PPP1R12A: variants seen among roughly 807,000 people sequenced by gnomAD.
The protein encoded by PPP1R12A is protein phosphatase 1 regulatory subunit 12A.
PPP1R12A carries 19 observed loss-of-function variants against 139.6 expected under a neutral mutation model. The ratio of observed to expected loss-of-function variants is 0.14; its 90% CI spans 0.09 to 0.20. PPP1R12A has a LOEUF of 0.20. PPP1R12A is among the 10% of genes least tolerant of loss of function. PPP1R12A has a pLI of 1.00. For synonymous variants in PPP1R12A, 427 were observed against 420.6 expected (o/e 1.02, Z -0.19); for missense variants, 925 against 1,211.5 (o/e 0.76, Z 3.51).
chr12:79,933,535 A>G (rs1888408783), intron 1 of PPP1R12A, among the ~76,000 whole-genome samples: 1 of 152,362 alleles, frequency 6.6e-6, no homozygotes, highest in African/African-American at 2.4e-5. Flanking sequence ...ATAGCTTACA[A>G]GTCTTTTCAT....
intron 1 of PPP1R12A, among the ~76,000 whole-genome samples, chr12:79,883,788 GA>G (rs1296420054): frequency 6.6e-6 from 1 of 152,160 alleles, no homozygotes; most frequent in Non-Finnish European, 1.5e-5. Flanking sequence ...ATTAAATTAT[GA>G]TCAGGATATT....
At chr12:79,806,129 A>C (rs776733800) in intron 13 of PPP1R12A, 37 bp downstream of exon 13, 22 of 1,596,558 alleles carry the variant, frequency 1.4e-5, no homozygotes, top group Non-Finnish European at 1.7e-5. Context: ...ACATAAGCAC[A>C]CAGTAGACCT....
upstream of PPP1R12A, chr12:79,935,274 C>T (rs1888583100): frequency 1.8e-6 from 2 of 1,088,160 alleles, no homozygotes; most frequent in Non-Finnish European, 2.2e-6. Context: ...AGGAAGAGCG[C>T]TCCCGCGAAC....
At position 79,916,340 on chromosome 12, in the gene PPP1R12A, A is replaced by G. The variant is rs536452180; in HGVS notation, c.237+18355T>C. Among the ~76,000 whole-genome samples the G allele has an allele frequency of 3.7e-4, 56 of 149,908 alleles. No individual in the cohort carries two copies. In the Middle Eastern group the frequency reaches 0.021, roughly 55 times the overall value. ...AATTCACGTAACTATGGGCTTCAAC[A>G]TTCCTAATTCTAAGAGACTTGGGGC... On this transcript the variant is annotated intron_variant, in intron 1 of 24. Transcript: ENST00000450142.
At chr12:79,804,209 C>G (rs1873545526) in intron 14 of PPP1R12A, among the ~76,000 whole-genome samples, 1 of 151,976 alleles carries the variant, frequency 6.6e-6, no homozygotes, top group Non-Finnish European at 1.5e-5. Flanking sequence ...AAGCAAAGCC[C>G]TCAAACTTAT....
At chr12:79,864,834 C>G (rs1017214392) in intron 2 of PPP1R12A, among the ~76,000 whole-genome samples, 16 of 152,050 alleles carry the variant, frequency 1.1e-4, no homozygotes, top group African/African-American at 3.9e-4. Flanking sequence ...TAATAGCCTA[C>G]CAACCAAAAA....
chr12:79,785,434 TTGTTGTTGTTTTTTTAG>T (rs1870990895), intron 22 of PPP1R12A, among the ~76,000 whole-genome samples: 1 of 152,118 alleles, frequency 6.6e-6, no homozygotes, highest in Admixed American at 6.5e-5. Context: ...GGTTTTTGTT[TTGTTGTTGTTTTTTTAG>T]AATTAATTTT....
At chr12:79,855,325 C>T (rs1000247945) in intron 2 of PPP1R12A, among the ~76,000 whole-genome samples, 2 of 152,064 alleles carry the variant, frequency 1.3e-5, no homozygotes, top group African/African-American at 4.8e-5. Flanking sequence ...TATTATCTCT[C>T]GCCTACACCC....
intron 1 of PPP1R12A, among the ~76,000 whole-genome samples, chr12:79,882,742 G>A (rs1208361679): frequency 6.6e-6 from 1 of 152,168 alleles, no homozygotes; most frequent in Non-Finnish European, 1.5e-5. Context: ...GAGAGGAAGA[G>A]TCAGTTGATG....
chr12:79,877,650 G>A (rs946234214), intron 1 of PPP1R12A, among the ~76,000 whole-genome samples: 10 of 152,074 alleles, frequency 6.6e-5, no homozygotes, highest in African/African-American at 1.9e-4. Flanking sequence ...TAGGTAGCTG[G>A]AACTACAGGT....
chr12:79,873,656 C>T (rs1358760188), intron 1 of PPP1R12A, among the ~76,000 whole-genome samples: 1 of 151,938 alleles, frequency 6.6e-6, no homozygotes, highest in East Asian at 1.9e-4. Flanking sequence ...AGAGTGAGAC[C>T]CTGTCTCCAA....
chr12:79,807,482 G>A (rs1873972161), intron 11 of PPP1R12A, among the ~76,000 whole-genome samples, 152 bp from the exon 12 acceptor site: 1 of 56,448 alleles, frequency 1.8e-5, no homozygotes, highest in African/African-American at 3.5e-5. Flanking sequence ...AGTAATTTCA[G>A]TACTAAGATT....
At chr12:79,786,306 A>C (rs1871123483) in intron 22 of PPP1R12A, 68 bp downstream of exon 22, 2 of 990,434 alleles carry the variant, frequency 2.0e-6, no homozygotes, top group South Asian at 3.4e-5. Flanking sequence ...AAAAATTTTA[A>C]TACCATTTTT....
chr12:79,925,786 C>T (rs1487878148), intron 1 of PPP1R12A, among the ~76,000 whole-genome samples: 1 of 151,902 alleles, frequency 6.6e-6, no homozygotes, highest in African/African-American at 2.4e-5. Flanking sequence ...ACAACCAAAA[C>T]ACTAATAAGG....
intron 1 of PPP1R12A, among the ~76,000 whole-genome samples, chr12:79,886,339 C>T (rs1884100995): frequency 6.6e-6 from 1 of 152,064 alleles, no homozygotes; most frequent in East Asian, 1.9e-4. Context: ...TTTAGGAGGC[C>T]GTCTATATTT....
chr12:79,786,348 A>C, intron 22 of PPP1R12A, 26 bp downstream of exon 22: 1 of 1,356,764 alleles, frequency 7.4e-7, no homozygotes, highest in Admixed American at 2.4e-5. Flanking sequence ...TTACCTTGAG[A>C]GTAACAAAAA....
chr12:79,777,300 T>C, intron 24 of PPP1R12A: 16 of 979,110 alleles, frequency 1.6e-5, no homozygotes, highest in Non-Finnish European at 1.9e-5. Context: ...AGTCTTTAAC[T>C]TAAATTCCAA....
At chr12:79,818,142 G>A (rs1875636927) in intron 8 of PPP1R12A, among the ~76,000 whole-genome samples, 3 of 152,262 alleles carry the variant, frequency 2.0e-5, no homozygotes, top group South Asian at 4.2e-4. Context: ...AGTGCCCTAG[G>A]TACTAGGGAT....
intron 3 of PPP1R12A, among the ~76,000 whole-genome samples, chr12:79,843,610 A>AT (rs1879012482): frequency 2.7e-5 from 4 of 145,596 alleles, no homozygotes; most frequent in Non-Finnish European, 6.0e-5. Flanking sequence ...TCTCAAAAAA[A>AT]AATATAGATA....
Sources: gnomAD v4.1 joint callset for allele counts (sites outside exome capture counted in the v4.1 genomes callset) on GRCh38, gnomAD v4.1.1 for gene constraint, MANE v1.5 for transcripts, NCBI Gene and HGNC (gene_info 2026-07-23, HGNC 2026-07-21) for gene names.